The following AGBL4 variants were observed in gnomAD, a reference collection of about 807,000 sequenced individuals.
AGBL4 encodes AGBL carboxypeptidase 4.
AGBL4 carries 58 observed loss-of-function variants against 66.4 expected under a neutral mutation model. That is an observed-to-expected ratio of 0.87 (90% CI 0.71 to 1.09). The LOEUF is 1.09. Among genes scored for constraint, AGBL4 ranks in the 50% least tolerant of loss-of-function variants. AGBL4 has a pLI of 0.00. For missense variants in AGBL4, 579 were observed against 631.0 expected (o/e 0.92, Z 0.88); for synonymous variants, 234 against 222.9 (o/e 1.05, Z -0.44).
At chr1:49,266,954 G>A (rs1643934958) in intron 3 of AGBL4, among the ~76,000 whole-genome samples, 1 of 152,164 alleles carries the variant, frequency 6.6e-6, no homozygotes. Context: ...CTGTTCCAGG[G>A]TTTATACTGG....
intron 3 of AGBL4, among the ~76,000 whole-genome samples, chr1:49,407,064 C>CA (rs1645217341): frequency 2.8e-5 from 2 of 72,474 alleles, no homozygotes; most frequent in African/African-American, 1.9e-4. Context: ...GACTCTGCCT[C>CA]CAAAAAAAAA....
chr1:49,873,337 T>C (rs1258956848), intron 1 of AGBL4, among the ~76,000 whole-genome samples: 2 of 152,040 alleles, frequency 1.3e-5, no homozygotes, highest in African/African-American at 4.8e-5. Context: ...CAAAATCTGA[T>C]ACCAGAGACT....
At chr1:48,969,189 T>A (rs1411857479) in intron 5 of AGBL4, among the ~76,000 whole-genome samples, 1 of 151,694 alleles carries the variant, frequency 6.6e-6, no homozygotes, top group African/African-American at 2.4e-5. Flanking sequence ...ATGTTTGGTC[T>A]GCATAAGGCA....
intron 1 of AGBL4, among the ~76,000 whole-genome samples, chr1:50,014,238 G>A (rs1362797640): frequency 6.6e-6 from 1 of 151,970 alleles, no homozygotes; most frequent in East Asian, 1.9e-4. Context: ...GGGCGTGGTG[G>A]CATGCACCTG....
chr1:49,628,479 T>C (rs1645506937), intron 3 of AGBL4, among the ~76,000 whole-genome samples: 1 of 152,180 alleles, frequency 6.6e-6, no homozygotes, highest in Non-Finnish European at 1.5e-5. Context: ...GATGCAGCTA[T>C]TTGTCTTTTA....
chr1:48,563,841 G>C (rs930027488), intron 11 of AGBL4, among the ~76,000 whole-genome samples: 1 of 152,180 alleles, frequency 6.6e-6, no homozygotes, highest in African/African-American at 2.4e-5. Context: ...GGCTGCTGTA[G>C]TGGAATTCAA....
chr1:49,312,328 C>G (rs540241650), intron 3 of AGBL4, among the ~76,000 whole-genome samples: 1 of 152,128 alleles, frequency 6.6e-6, no homozygotes, highest in Non-Finnish European at 1.5e-5. Flanking sequence ...ACTTTGGAAG[C>G]AAAGACAGAG....
chr1:49,213,175 G>C (rs80292072), intron 4 of AGBL4, among the ~76,000 whole-genome samples: 1 of 152,052 alleles, frequency 6.6e-6, no homozygotes, highest in Admixed American at 6.6e-5. Context: ...ACTATAATAT[G>C]ATAATTACTA....
At chr1:48,704,677 TG>T (rs1646854470) in intron 6 of AGBL4, among the ~76,000 whole-genome samples, 10 of 152,244 alleles carry the variant, frequency 6.6e-5, no homozygotes. Context: ...CTCCACATCT[TG>T]TGACACGGGA....
At chr1:49,131,711 T>A (rs1049688353) in intron 4 of AGBL4, among the ~76,000 whole-genome samples, 1 of 152,074 alleles carries the variant, frequency 6.6e-6, no homozygotes, top group Non-Finnish European at 1.5e-5. Flanking sequence ...AGCATGAGAA[T>A]TGACAGGATT....
intron 6 of AGBL4, among the ~76,000 whole-genome samples, chr1:48,804,664 T>A (rs1570712854): frequency 6.6e-6 from 1 of 152,080 alleles, no homozygotes; most frequent in East Asian, 1.9e-4. Flanking sequence ...AGCTGGGGAA[T>A]CATTCCTGGA....
intron 6 of AGBL4, among the ~76,000 whole-genome samples, chr1:48,716,660 C>T (rs538306888): frequency 6.6e-6 from 1 of 152,160 alleles, no homozygotes. Flanking sequence ...TATGTGTCCA[C>T]AAGGGGTGGG....
chr1:49,275,170 T>C (rs1570306260), intron 3 of AGBL4, among the ~76,000 whole-genome samples: 2 of 152,326 alleles, frequency 1.3e-5, no homozygotes, highest in Middle Eastern at 6.8e-3. Context: ...GCTAAACTAC[T>C]CTGAGAAGTT....
chr1:49,958,197 T>C lies in AGBL4; in HGVS notation c.34+65566A>G, dbSNP rs534232130. On this transcript the variant is annotated intron_variant, in intron 1 of 13. Coordinates refer to ENST00000371839, the MANE Select transcript of AGBL4 (RefSeq NM_032785.4). ...ATGTTGAATATTGGCCCCCAGTCTC[T>C]TCTGGCTTGTAGAGTTTCTGCCAAG... Among the ~76,000 whole-genome samples, 28 of 152,212 alleles carry C rather than the reference T, an allele frequency of 1.8e-4. 2 individuals are homozygous for C. The South Asian group carries it at 5.4e-3, about 29-fold the overall frequency.
chr1:48,990,881 A>G (rs1423587873), intron 5 of AGBL4, among the ~76,000 whole-genome samples: 1 of 152,146 alleles, frequency 6.6e-6, no homozygotes, highest in Non-Finnish European at 1.5e-5. Context: ...CTACACTTTA[A>G]CTTCATCTCC....
intron 9 of AGBL4, among the ~76,000 whole-genome samples, chr1:48,612,446 T>C (rs1036783348): frequency 6.6e-6 from 1 of 152,164 alleles, no homozygotes; most frequent in Non-Finnish European, 1.5e-5. Context: ...AGAAGTGCTG[T>C]CTACATGAAT....
intron 9 of AGBL4, among the ~76,000 whole-genome samples, chr1:48,632,010 G>T (rs1645601983): frequency 6.6e-6 from 1 of 152,114 alleles, no homozygotes; most frequent in Non-Finnish European, 1.5e-5. Flanking sequence ...GCAAGGGTTA[G>T]GGTTTTTCTT....
At chr1:48,536,334 G>A (rs1360046246) in intron 12 of AGBL4, among the ~76,000 whole-genome samples, 1 of 152,160 alleles carries the variant, frequency 6.6e-6, no homozygotes, top group East Asian at 1.9e-4. Flanking sequence ...CAGGGGTGGA[G>A]GGGTGGTAGA....
chr1:49,595,861 C>T (rs1216036494), intron 3 of AGBL4, among the ~76,000 whole-genome samples: 3 of 152,098 alleles, frequency 2.0e-5, no homozygotes, highest in Non-Finnish European at 4.4e-5. Context: ...CCATATTTTC[C>T]TTCGCCAAAT....
Sources: gnomAD v4.1 joint callset for allele counts (sites outside exome capture counted in the v4.1 genomes callset) on GRCh38, gnomAD v4.1.1 for gene constraint, MANE v1.5 for transcripts, NCBI Gene and HGNC (gene_info 2026-07-23, HGNC 2026-07-21) for gene names.